IGFL4: variants seen among roughly 807,000 people sequenced by gnomAD.
IGFL4 encodes the protein IGF like family member 4, also known as insulin growth factor-like family member 4.
IGFL4 carries 12 observed loss-of-function variants against 15.4 expected under a neutral mutation model. The ratio of observed to expected loss-of-function variants is 0.78; its 90% CI spans 0.50 to 1.26. The LOEUF is 1.26. Among genes scored for constraint, IGFL4 ranks in the 50% most tolerant of loss-of-function variants. The probability of loss-of-function intolerance (pLI) is 0.00; values close to 1 mark genes in which losing one functional copy is unlikely to be tolerated. For synonymous variants in IGFL4, 54 were observed against 55.9 expected (o/e 0.97, Z 0.16); for missense variants, 126 against 147.8 (o/e 0.85, Z 0.76).
chr19:46,046,690 A>G (rs1254034183), intron 2 of IGFL4, among the ~76,000 whole-genome samples: 2 of 152,266 alleles, frequency 1.3e-5, no homozygotes, highest in Admixed American at 6.5e-5. Context: ...AAAGGGATCA[A>G]TTGGACAAGA....
At chr19:46,061,691 A>T (rs1969446589) in intron 1 of IGFL4, among the ~76,000 whole-genome samples, 1 of 152,192 alleles carries the variant, frequency 6.6e-6, no homozygotes, top group Non-Finnish European at 1.5e-5. Flanking sequence ...CCATGCATTT[A>T]ATTGCTAGGC....
intron 2 of IGFL4, among the ~76,000 whole-genome samples, chr19:46,052,559 T>G (rs970812023): frequency 1.3e-5 from 2 of 151,940 alleles, no homozygotes; most frequent in African/African-American, 4.8e-5. Flanking sequence ...CCATCTCTAC[T>G]AAAAATACAA....
At chr19:46,058,568 A>G (rs945004147) in intron 2 of IGFL4, 8 of 152,154 alleles carry the variant, frequency 5.3e-5, no homozygotes, top group Admixed American at 2.0e-4. Flanking sequence ...TCAAGCCCAC[A>G]TTTCCCTTCT....
At chr19:46,041,837 CTTT>C (rs11334515), upstream of IGFL4, among the ~76,000 whole-genome samples, 14 of 109,840 alleles carry the variant, frequency 1.3e-4, no homozygotes, top group Non-Finnish European at 1.5e-4. Flanking sequence ...TCCTCTCTCT[CTTT>C]TTTTTTTTTT....
intron 2 of IGFL4, among the ~76,000 whole-genome samples, chr19:46,052,804 A>G (rs899005607): frequency 6.6e-6 from 1 of 151,406 alleles, no homozygotes; most frequent in African/African-American, 2.4e-5. Context: ...ATTAACACAT[A>G]CTTAAAATGT....
intron 1 of IGFL4, among the ~76,000 whole-genome samples, chr19:46,064,610 T>C (rs1208124955): frequency 6.6e-6 from 1 of 152,176 alleles, no homozygotes; most frequent in Non-Finnish European, 1.5e-5. Flanking sequence ...TTTCACTTGG[T>C]ATGACCGCCA....
chr19:46,056,450 A>G (rs1462169513), intron 2 of IGFL4, among the ~76,000 whole-genome samples: 1 of 152,192 alleles, frequency 6.6e-6, no homozygotes, highest in Non-Finnish European at 1.5e-5. Context: ...TTATTCTCCA[A>G]TTCCATCTTG....
Position 46,040,745 on chromosome 19 carries a change from G to A in IGFL4, c.20-177C>T, listed in dbSNP as rs1403004464. The A allele has an allele frequency of 2.1e-6, 2 of 936,628 alleles. No homozygotes were observed. Among genetic ancestry groups the A allele is most frequent in the African/African-American group, 1.7e-5 (1 of 60,432 alleles). 58.0% of individuals were successfully genotyped at this position (936,628 alleles called of 1,614,324 possible). The stretch of plus-strand genomic sequence containing the variant: ...TTGGCAGGTGAGGAAAGGCAGGGAG[G>A]GCTCTGGGAAAAGTTAAGCTTCTGG... On this transcript the variant is annotated intron_variant, in intron 1 of 3. Coordinates refer to ENST00000377697, the MANE Select transcript of IGFL4 (RefSeq NM_001002923.3). This position sits in a 1 kb window ranked among gnomAD's most constrained non-coding sequence, Gnocchi z 4.1.
upstream of IGFL4, among the ~76,000 whole-genome samples, chr19:46,041,828 CCT>C (rs777673835): frequency 4.2e-5 from 6 of 142,954 alleles, no homozygotes; most frequent in East Asian, 4.3e-4. Context: ...CCTCCTCCCT[CCT>C]CTCTCTCTTT....
chr19:46,050,678 C>T (rs181602320), intron 2 of IGFL4, among the ~76,000 whole-genome samples: 13 of 152,242 alleles, frequency 8.5e-5, no homozygotes, highest in Admixed American at 3.3e-4. Flanking sequence ...TTATATTAAA[C>T]GTCCCAACCT....
intron 1 of IGFL4, among the ~76,000 whole-genome samples, chr19:46,070,139 T>C (rs12460032): frequency 0.092 from 10,204 of 111,190 alleles, 568 homozygotes; most frequent in African/African-American, 0.23. Flanking sequence ...GAAGCAAATC[T>C]CTAAGATTTT....
At position 46,039,920 on chromosome 19, in the gene IGFL4, CT is replaced by C; in HGVS notation, c.346del (p.Ser116AlafsTer24). On this transcript the variant is annotated frameshift_variant, in exon 4 of 4. Coordinates refer to ENST00000377697, the MANE Select transcript of IGFL4 (RefSeq NM_001002923.3). LOFTEE classifies it high-confidence loss of function. ...RICAQEYHPK[S>X]PVSRSDLI ...GATGAGGTCAGATCTTGACACAGGG[CT>C]TTTTGGGTGGTATTCCTGCAGAAGG... The C allele has an allele frequency of 6.2e-7, 1 of 1,613,386 alleles. No homozygotes were observed. Among genetic ancestry groups the C allele is most frequent in the Non-Finnish European group, 8.5e-7 (1 of 1,179,408 alleles).
At chr19:46,045,763 T>C (rs1969292420), upstream of IGFL4, among the ~76,000 whole-genome samples, 2 of 151,896 alleles carry the variant, frequency 1.3e-5, no homozygotes, top group Non-Finnish European at 2.9e-5. Flanking sequence ...CTGAGAAATA[T>C]GTAAAGAGAC....
At chr19:46,051,669 C>T (rs1013814673) in intron 2 of IGFL4, among the ~76,000 whole-genome samples, 5 of 152,144 alleles carry the variant, frequency 3.3e-5, no homozygotes, top group African/African-American at 1.2e-4. Flanking sequence ...CCTAAATGCT[C>T]CACTTAAAAG....
rs36026852 is a variant in IGFL4, at chr19:46,064,071, GA to G, written c.-431-3779del. On this transcript the variant is annotated intron_variant, in intron 1 of 5. Transcript: ENST00000601672. ...TGGGTGACAGAACGAGACTCCACCT[GA>G]AAAAAAAAAAAAAATTCCAACAGCT... Among the ~76,000 whole-genome samples the G allele has an allele frequency of 6.1e-3, 854 of 140,066 alleles. 2 individuals carry two copies. The highest frequency in any genetic ancestry group is 9.4e-3 in the Non-Finnish European group (614 of 65,148). 91.9% of individuals were successfully genotyped at this position (140,066 alleles called of 152,430 possible). A position where few individuals can be genotyped will look rare whatever the true frequency, so the allele number is the denominator to read the frequency against.
At chr19:46,045,442 T>C (rs1397117051), upstream of IGFL4, among the ~76,000 whole-genome samples, 4 of 90,268 alleles carry the variant, frequency 4.4e-5, no homozygotes, top group East Asian at 6.6e-4. Flanking sequence ...AAACTCTGTC[T>C]CAAAAAAAAA....
intron 1 of IGFL4, chr19:46,062,773 C>G (rs1288600403): frequency 6.6e-6 from 1 of 152,222 alleles, no homozygotes; most frequent in Non-Finnish European, 1.5e-5. Flanking sequence ...CACACTGAAT[C>G]AAAAGTTTAG....
At chr19:46,060,693 T>C (rs1050653080) in intron 1 of IGFL4, among the ~76,000 whole-genome samples, 3 of 152,186 alleles carry the variant, frequency 2.0e-5, no homozygotes, top group Admixed American at 6.5e-5. Flanking sequence ...TAATGTACAC[T>C]AAGTTATATT....
In IGFL4 at chr19:46,053,610, G is replaced by T. The variant is rs140190524; in HGVS notation, c.-323+6575C>A. Among the ~76,000 whole-genome samples, 193 of 152,254 alleles carry T rather than the reference G, an allele frequency of 1.3e-3. 6 individuals are homozygous for T. The East Asian group carries it at 0.035, about 28-fold the overall frequency. On this transcript the variant is annotated intron_variant, in intron 2 of 5. Coordinates refer to the IGFL4 transcript ENST00000601672. ...GGTGCAGATGTCTCTTAGATATACT[G>T]ATTTCCTTTTTTGTGTGTGATAAAT...
Sources: gnomAD v4.1 joint callset for allele counts (sites outside exome capture counted in the v4.1 genomes callset) on GRCh38, gnomAD v4.1.1 for gene constraint, Gnocchi (gnomAD v3.1) non-coding constraint, MANE v1.5 for transcripts, NCBI Gene and HGNC (gene_info 2026-07-23, HGNC 2026-07-21) for gene names.